Variants in PPP2R2D observed in about 807,000 individuals in gnomAD.
The protein encoded by PPP2R2D is serine/threonine-protein phosphatase 2A 55 kDa regulatory subunit B delta isoform.
Under a neutral mutation model 31.1 loss-of-function variants are expected in PPP2R2D, and 9 were observed. The ratio of observed to expected loss-of-function variants is 0.29; its 90% CI spans 0.17 to 0.51. The LOEUF (loss-of-function observed/expected upper bound fraction) is 0.51, where lower values mean the gene tolerates loss of function less well. Ranked by LOEUF, PPP2R2D falls within the 20% of genes least tolerant of loss-of-function variation. The pLI is 0.98. For synonymous variants in PPP2R2D, 179 were observed against 172.6 expected, an observed-to-expected ratio of 1.04 and a Z score of -0.29; for missense variants, 391 against 465.6, an observed-to-expected ratio of 0.84 and a Z score of 1.48.
intron 6 of PPP2R2D, among the ~76,000 whole-genome samples, chr10:131,944,909 G>A (rs1321650043): frequency 2.6e-5 from 4 of 152,150 alleles, no homozygotes; most frequent in South Asian, 2.1e-4. Flanking sequence ...GGAATTTGGC[G>A]GCATTCTTGT....
chr10:131,956,317 T>C lies in PPP2R2D; in HGVS notation c.*354T>C. 1 of 997,956 alleles carries C rather than the reference T, an allele frequency of 1.0e-6. No individual in the cohort carries two copies. Among genetic ancestry groups the C allele is most frequent in the South Asian group, 4.7e-5 (1 of 21,410 alleles). The allele number at this position is 997,956 out of a possible 1,614,324, so 61.8% of individuals were successfully genotyped here. A position where few individuals can be genotyped will look rare whatever the true frequency, so the allele number is the denominator to read the frequency against. On this transcript the variant is annotated 3_prime_UTR_variant, in exon 9 of 9. Transcript: ENST00000455566. Reference sequence around the variant, plus strand: ...GAAAAGTTATTGTCAGATACCGCTCTTTCTCCAACTTTCCCTCTTTCTCTG... The same window carrying C: ...GAAAAGTTATTGTCAGATACCGCTCCTTCTCCAACTTTCCCTCTTTCTCTG...
At chr10:131,918,893 A>AGG (rs2035893994) in intron 2 of PPP2R2D, among the ~76,000 whole-genome samples, 7 of 140,640 alleles carry the variant, frequency 5.0e-5, no homozygotes, top group East Asian at 2.4e-4. Context: ...TAGGGACCTC[A>AGG]CATGGGTGGA....
At chr10:131,924,800 A>ACTTT (rs1226717293) in intron 2 of PPP2R2D, among the ~76,000 whole-genome samples, 2 of 150,870 alleles carry the variant, frequency 1.3e-5, no homozygotes, top group Non-Finnish European at 2.9e-5. Flanking sequence ...ACACAGGATA[A>ACTTT]CTTTCTGTAT....
chr10:131,935,016 A>G (rs782735836), intron 3 of PPP2R2D: 6 of 454,070 alleles, frequency 1.3e-5, no homozygotes, highest in Non-Finnish European at 2.6e-5. Context: ...GGTGAGCAGC[A>G]CTCACTCCTC....
At chr10:131,963,208 G>A (rs1554901733), downstream of PPP2R2D, among the ~76,000 whole-genome samples, 1 of 152,192 alleles carries the variant, frequency 6.6e-6, no homozygotes, top group African/African-American at 2.4e-5. Flanking sequence ...TGTTCCAGGA[G>A]GATGGGAAAC....
chr10:131,940,465 C>T (rs2036422371), intron 4 of PPP2R2D, 117 bp from the exon 5 acceptor site: 2 of 622,760 alleles, frequency 3.2e-6, no homozygotes, highest in Admixed American at 2.9e-5. Flanking sequence ...TGTTCAGAGA[C>T]CCCATAGCTT....
chr10:131,903,244 A>AAATCCAAAAGTTTGGTATT (rs2035530098), intron 2 of PPP2R2D, among the ~76,000 whole-genome samples: 1 of 152,066 alleles, frequency 6.6e-6, no homozygotes, highest in African/African-American at 2.4e-5. Flanking sequence ...AGGTGGACAG[A>AAATCCAAAAGTTTGGTATT]TCACTTGAGG....
intron 5 of PPP2R2D, 93 bp downstream of exon 5, chr10:131,940,787 T>C (rs1176939166): frequency 1.5e-6 from 1 of 654,252 alleles, no homozygotes; most frequent in Non-Finnish European, 2.8e-6. Context: ...GGTGGAGTAC[T>C]GTGAGGTCTG....
In PPP2R2D at chr10:131,918,576, T is replaced by G. The variant is rs190927051; in HGVS notation, c.101-15882T>G. On this transcript the variant is annotated intron_variant, in intron 2 of 8. Coordinates refer to ENST00000455566, the MANE Select transcript of PPP2R2D (RefSeq NM_018461.5). Reference sequence around the variant, plus strand: ...TCACGTGGGTGGAATGACACAGTGTTTGTAGGGACCTAACGCGGGTGGAGT... The same window carrying G: ...TCACGTGGGTGGAATGACACAGTGTGTGTAGGGACCTAACGCGGGTGGAGT... 1.4e-4 allele frequency among the ~76,000 whole-genome samples: 17 copies of G among 125,912 alleles called. No homozygotes were observed. The East Asian group carries it at 3.0e-3, about 22-fold the overall frequency. The allele number at this position is 125,912 out of a possible 152,430, so 82.6% of individuals were successfully genotyped here. A position where few individuals can be genotyped will look rare whatever the true frequency, so the allele number is the denominator to read the frequency against.
chr10:131,939,715 AC>A (rs1199966533), intron 3 of PPP2R2D: 2 of 181,448 alleles, frequency 1.1e-5, no homozygotes, highest in Non-Finnish European at 2.3e-5. Context: ...TCCAGAAAAT[AC>A]GGCAGGCTGC....
In PPP2R2D at chr10:131,940,691, A is replaced by G. The variant is rs782624417; in HGVS notation, c.474A>G (p.Leu158=). 2.1e-5 allele frequency: 16 copies of G among 774,022 alleles called. No individual in the cohort carries two copies. Among genetic ancestry groups the G allele is most frequent in the African/African-American group, 3.4e-5 (2 of 58,938 alleles). The allele number at this position is 774,022 out of a possible 1,614,324, so 47.9% of individuals were successfully genotyped here. Residue 158 remains leucine (L), a synonymous_variant, in exon 5 of 9, where the codon CTA becomes CTG. Transcript: ENST00000455566. ...RLRDPFRITA[L]RVPILKPMDL... is the part of the protein sequence containing the mutation. ...GAGACCCATTTAGGATCACGGCGCTACGGGTACACGTTGCCTTTGCTTTAT... is the reference window on the plus strand; with the variant it reads ...GAGACCCATTTAGGATCACGGCGCTGCGGGTACACGTTGCCTTTGCTTTAT...
At chr10:131,934,676 A>G in intron 3 of PPP2R2D, 121 bp downstream of exon 3, 1 of 683,320 alleles carries the variant, frequency 1.5e-6, no homozygotes. Flanking sequence ...GTTCCATCAC[A>G]TTAGCCATAC....
intron 8 of PPP2R2D, among the ~76,000 whole-genome samples, chr10:131,950,649 G>A (rs2036620443): frequency 6.6e-6 from 1 of 152,170 alleles, no homozygotes; most frequent in Admixed American, 6.5e-5. Context: ...TGTAAAGGGA[G>A]CCTGGCCCTG....
chr10:131,953,879 A>G (rs187238513), intron 8 of PPP2R2D, among the ~76,000 whole-genome samples: 177 of 152,262 alleles, frequency 1.2e-3, no homozygotes, highest in African/African-American at 3.8e-3. Context: ...CCCTTAGATT[A>G]CATATCCCCA....
chr10:131,921,556 C>CT (rs1554894253), intron 2 of PPP2R2D, among the ~76,000 whole-genome samples: 11 of 152,094 alleles, frequency 7.2e-5, no homozygotes, highest in Non-Finnish European at 1.0e-4. Flanking sequence ...GAAGAACAGG[C>CT]TGGGGCAATG....
intron 6 of PPP2R2D, among the ~76,000 whole-genome samples, chr10:131,944,854 G>A (rs9419387): frequency 0.41 from 62,879 of 152,032 alleles, 13,717 homozygotes; most frequent in African/African-American, 0.56. Flanking sequence ...ATCTGTTCTA[G>A]CTACACAGAA....
intron 2 of PPP2R2D, among the ~76,000 whole-genome samples, chr10:131,929,702 T>G (rs2036179921): frequency 6.6e-6 from 1 of 151,734 alleles, no homozygotes; most frequent in Admixed American, 6.6e-5. Flanking sequence ...GCTCCGTGCC[T>G]CCCTCCCCGC....
In PPP2R2D at chr10:131,956,340, CT is replaced by C; in HGVS notation, c.*378del. 2.0e-6 allele frequency: 2 copies of C among 990,484 alleles called. No individual in the cohort carries two copies. The highest frequency in any genetic ancestry group is 2.4e-6 in the Non-Finnish European group (2 of 833,386). 61.4% of individuals were successfully genotyped at this position (990,484 alleles called of 1,614,324 possible). ...TCTTTCTCCAACTTTCCCTCTTTCT[CT>C]GCCATCACACTTGGGCCTTCACTGC... is the stretch of plus-strand genomic sequence containing the variant. On this transcript the variant is annotated 3_prime_UTR_variant, in exon 9 of 9. Transcript: ENST00000455566.
downstream of PPP2R2D, among the ~76,000 whole-genome samples, chr10:131,961,361 A>G (rs987426831): frequency 6.6e-6 from 1 of 152,142 alleles, no homozygotes; most frequent in African/African-American, 2.4e-5. Flanking sequence ...CCAGCCCCAC[A>G]GGGCTGTCAC....
Sources: gnomAD v4.1 joint callset for allele counts (sites outside exome capture counted in the v4.1 genomes callset) on GRCh38, gnomAD v4.1.1 for gene constraint, MANE v1.5 for transcripts, NCBI Gene and HGNC (gene_info 2026-07-23, HGNC 2026-07-21) for gene names.